GALNT13: variants seen among roughly 807,000 people sequenced by gnomAD.
The protein encoded by GALNT13 is polypeptide N-acetylgalactosaminyltransferase 13, also known as UDP-GalNAc:polypeptide N-acetylgalactosaminyltransferase 13.
In GALNT13, 28 loss-of-function variants were observed where a neutral mutation model predicts 64.2. That is an observed-to-expected ratio of 0.44 (90% CI 0.32 to 0.60). The LOEUF is 0.60. Among genes scored for constraint, GALNT13 ranks in the 20% least tolerant of loss-of-function variants. The pLI, the probability that GALNT13 is intolerant of heterozygous loss-of-function variation, is 0.05. For missense variants in GALNT13, 577 were observed against 669.8 expected, an observed-to-expected ratio of 0.86 and a Z score of 1.53; for synonymous variants, 214 against 224.6, an observed-to-expected ratio of 0.95 and a Z score of 0.42.
In GALNT13 at chr2:153,914,622, G is replaced by A. The variant is rs72863687; in HGVS notation, c.-105+13615G>A. Among the ~76,000 whole-genome samples the A allele has an allele frequency of 3.9e-3, 586 of 151,950 alleles. 3 individuals carry two copies. Among genetic ancestry groups the A allele is most frequent in the Non-Finnish European group, 6.1e-3 (417 of 67,976 alleles). On this transcript the variant is annotated intron_variant, in intron 2 of 12. Coordinates refer to ENST00000392825, the MANE Select transcript of GALNT13 (RefSeq NM_052917.4). The stretch of plus-strand genomic sequence containing the variant: ...TTTTTAATTTTTATCAAATGCTTCT[G>A]CCTGTATTGAGATTTTCAAATTATC...
intron 3 of GALNT13, among the ~76,000 whole-genome samples, chr2:154,087,211 C>G (rs1252050312): frequency 6.6e-6 from 1 of 151,682 alleles, no homozygotes; most frequent in Non-Finnish European, 1.5e-5. Context: ...AAAAAAAGAT[C>G]AGACTCTTAG....
the GALNT13 span, among the ~76,000 whole-genome samples, chr2:153,401,274 C>A: frequency 6.6e-6 from 1 of 151,858 alleles, no homozygotes; most frequent in South Asian, 2.1e-4. Context: ...AGTTTGATTG[C>A]ACTGTGGTCT....
chr2:154,372,996 T>G (rs955435284), intron 9 of GALNT13, among the ~76,000 whole-genome samples: 3 of 152,100 alleles, frequency 2.0e-5, no homozygotes, highest in African/African-American at 7.2e-5. Context: ...CTTTCCTTTT[T>G]AAAGGACACT....
At chr2:154,395,969 G>A (rs1343486346) in intron 9 of GALNT13, 22 bp from the exon 10 acceptor site, 1 of 1,575,466 alleles carries the variant, frequency 6.3e-7, no homozygotes, top group Non-Finnish European at 8.6e-7. Context: ...AAACTGATTT[G>A]TGTTTCTCTG....
intron 9 of GALNT13, among the ~76,000 whole-genome samples, chr2:154,366,077 T>A (rs888739240): frequency 6.6e-6 from 1 of 152,168 alleles, no homozygotes; most frequent in Non-Finnish European, 1.5e-5. Flanking sequence ...ATACATTAAA[T>A]TTTTTTCCTG....
chr2:153,244,272 A>G, the GALNT13 span, among the ~76,000 whole-genome samples: 2 of 152,070 alleles, frequency 1.3e-5, no homozygotes. Context: ...ATGACCTGGG[A>G]TTCTATTTTG....
intron 4 of GALNT13, among the ~76,000 whole-genome samples, chr2:154,150,559 T>C (rs1683937400): frequency 6.6e-6 from 1 of 152,162 alleles, no homozygotes; most frequent in South Asian, 2.1e-4. Flanking sequence ...CATCTGGTCC[T>C]GGACTCTTTT....
chr2:154,158,915 A>G (rs1391593014), intron 4 of GALNT13, among the ~76,000 whole-genome samples: 7 of 151,992 alleles, frequency 4.6e-5, no homozygotes, highest in Non-Finnish European at 7.4e-5. Flanking sequence ...TTCTTTGGCC[A>G]CATTATATAA....
chr2:154,204,377 A>G (rs1054526733), intron 4 of GALNT13, among the ~76,000 whole-genome samples: 1 of 152,230 alleles, frequency 6.6e-6, no homozygotes, highest in Non-Finnish European at 1.5e-5. Context: ...AGTCCCTTAT[A>G]TACTGTAGGT....
the GALNT13 span, among the ~76,000 whole-genome samples, chr2:153,334,026 C>T: frequency 6.6e-6 from 1 of 152,180 alleles, no homozygotes; most frequent in East Asian, 1.9e-4. Context: ...GAAGAAAAAA[C>T]ATAGCTAATA....
intron 3 of GALNT13, among the ~76,000 whole-genome samples, chr2:154,015,667 G>T (rs149653952): frequency 6.4e-4 from 97 of 152,128 alleles, no homozygotes; most frequent in African/African-American, 2.3e-3. Flanking sequence ...ACTATGTTTG[G>T]AAGAAATGAA....
At chr2:153,107,130 C>T in the GALNT13 span, among the ~76,000 whole-genome samples, 5 of 152,098 alleles carry the variant, frequency 3.3e-5, no homozygotes, top group African/African-American at 1.2e-4. Flanking sequence ...ATATTTATAT[C>T]CAGGATTAAA....
At chr2:153,684,003 G>T in the GALNT13 span, among the ~76,000 whole-genome samples, 1 of 151,530 alleles carries the variant, frequency 6.6e-6, no homozygotes, top group South Asian at 2.1e-4. Context: ...AAAATCACCT[G>T]ATGGGAATTT....
chr2:153,325,568 G>A, the GALNT13 span, among the ~76,000 whole-genome samples: 3 of 151,890 alleles, frequency 2.0e-5, no homozygotes, highest in East Asian at 5.8e-4. Flanking sequence ...TTGCTTTTGT[G>A]GTTCTTTTAG....
the GALNT13 span, among the ~76,000 whole-genome samples, chr2:153,463,785 C>T: frequency 6.6e-6 from 1 of 152,014 alleles, no homozygotes; most frequent in Non-Finnish European, 1.5e-5. Flanking sequence ...TCTGGCTGTT[C>T]TAAATACCCA....
the GALNT13 span, among the ~76,000 whole-genome samples, chr2:153,639,066 T>A: frequency 6.8e-6 from 1 of 146,644 alleles, no homozygotes; most frequent in Non-Finnish European, 1.5e-5. Flanking sequence ...TTTGTTTTGT[T>A]TTGTTTTGTT....
At chr2:153,435,020 AG>A in the GALNT13 span, among the ~76,000 whole-genome samples, 1 of 152,174 alleles carries the variant, frequency 6.6e-6, no homozygotes, top group African/African-American at 2.4e-5. Context: ...TGTGTAAGGA[AG>A]GGATCCAGTT....
At chr2:153,096,467 G>A in the GALNT13 span, among the ~76,000 whole-genome samples, 1 of 152,116 alleles carries the variant, frequency 6.6e-6, no homozygotes, top group Admixed American at 6.5e-5. Flanking sequence ...GTGGCATGTT[G>A]AAGTCTCCAG....
chr2:153,345,461 G>T, the GALNT13 span, among the ~76,000 whole-genome samples: 1 of 152,028 alleles, frequency 6.6e-6, no homozygotes, highest in Non-Finnish European at 1.5e-5. Context: ...GTTCTCCTGA[G>T]GGGCAAAGGA....
Sources: gnomAD v4.1 joint callset for allele counts (sites outside exome capture counted in the v4.1 genomes callset) on GRCh38, gnomAD v4.1.1 for gene constraint, MANE v1.5 for transcripts, NCBI Gene and HGNC (gene_info 2026-07-23, HGNC 2026-07-21) for gene names.